FTCDNL1: variants seen among roughly 807,000 people sequenced by gnomAD.
FTCDNL1 encodes the protein formiminotransferase cyclodeaminase N-terminal like, also known as formiminotransferase N-terminal subdomain-containing protein.
In FTCDNL1, 11 loss-of-function variants were observed where a neutral mutation model predicts 5.9. The observed-to-expected ratio is 1.87, with a 90% CI of 1.18 to 3.10. The LOEUF is 3.10. FTCDNL1 is among the 30% of genes most tolerant of loss of function. The pLI is 0.00. For synonymous variants in FTCDNL1, 58 were observed against 24.8 expected (o/e 2.34, Z -3.99); for missense variants, 115 against 65.5 (o/e 1.76, Z -2.61).
At chr2:199,664,883 C>T in the FTCDNL1 span, among the ~76,000 whole-genome samples, 7 of 152,234 alleles carry the variant, frequency 4.6e-5, no homozygotes, top group East Asian at 1.2e-3. Context: ...TACTCGCCTG[C>T]TGCCAATAGC....
chr2:199,749,725 A>G, the FTCDNL1 span, among the ~76,000 whole-genome samples: 1 of 152,146 alleles, frequency 6.6e-6, no homozygotes, highest in African/African-American at 2.4e-5. Context: ...AGAGCTGCCT[A>G]CGGGCACCCA....
chr2:199,701,277 G>A, the FTCDNL1 span, among the ~76,000 whole-genome samples: 1 of 86,978 alleles, frequency 1.1e-5, no homozygotes, highest in African/African-American at 4.8e-5. Context: ...ACACCAGTCA[G>A]AATGGCTGTT....
intron 3 of FTCDNL1, among the ~76,000 whole-genome samples, chr2:199,803,622 G>A (rs1371415413): frequency 6.6e-5 from 10 of 152,032 alleles, no homozygotes; most frequent in South Asian, 2.1e-4. Context: ...GTATCACCAC[G>A]CCTGGCTAAT....
chr2:199,809,850 G>C lies in FTCDNL1; in HGVS notation c.*2855C>G, dbSNP rs1429283549. On this transcript the variant is annotated 3_prime_UTR_variant, in exon 5 of 5. Coordinates refer to ENST00000420128, the MANE Select transcript of FTCDNL1 (RefSeq NM_001363886.2). ...AAGAATGAACAATCATGCTTTGAAA[G>C]AGAGATTATATTTTGTAACCCTCTC... is the stretch of plus-strand genomic sequence containing the variant. Among the ~76,000 whole-genome samples the C allele has an allele frequency of 1.3e-5, 2 of 151,452 alleles. No homozygotes were observed. Among genetic ancestry groups the C allele is most frequent in the South Asian group, 2.1e-4 (1 of 4,818 alleles).
chr2:199,707,029 A>G, the FTCDNL1 span, among the ~76,000 whole-genome samples: 7 of 152,192 alleles, frequency 4.6e-5, no homozygotes, highest in Non-Finnish European at 1.0e-4. Context: ...CAGATATACT[A>G]TTTTCATCTT....
chr2:199,788,515 T>G (rs1399741481), intron 3 of FTCDNL1, among the ~76,000 whole-genome samples: 2 of 152,102 alleles, frequency 1.3e-5, no homozygotes, highest in African/African-American at 4.8e-5. Flanking sequence ...AATTAGGAAC[T>G]GTTTGGATAA....
chr2:199,734,497 A>G, the FTCDNL1 span, among the ~76,000 whole-genome samples: 1 of 152,246 alleles, frequency 6.6e-6, no homozygotes, highest in African/African-American at 2.4e-5. Flanking sequence ...TTATCTAAAT[A>G]TCCCATTTTT....
chr2:199,691,441 G>A, the FTCDNL1 span, among the ~76,000 whole-genome samples: 2 of 152,212 alleles, frequency 1.3e-5, no homozygotes, highest in Non-Finnish European at 2.9e-5. Flanking sequence ...AATTTTATCA[G>A]CACTAAATAA....
At chr2:199,822,761 GCAT>G (rs1701776435) in intron 3 of FTCDNL1, among the ~76,000 whole-genome samples, 1 of 152,196 alleles carries the variant, frequency 6.6e-6, no homozygotes, top group African/African-American at 2.4e-5. Context: ...AGTGTCCACA[GCAT>G]CATCACCAGG....
the FTCDNL1 span, among the ~76,000 whole-genome samples, chr2:199,687,513 A>G: frequency 2.0e-5 from 3 of 152,198 alleles, no homozygotes; most frequent in Admixed American, 6.5e-5. Flanking sequence ...CTCACAGGTG[A>G]GCCAGTTAAT....
chr2:199,717,969 A>T, the FTCDNL1 span, among the ~76,000 whole-genome samples: 45 of 79,824 alleles, frequency 5.6e-4, no homozygotes, highest in African/African-American at 2.5e-3. Context: ...TTCACTGCTT[A>T]AAAAAAACCA....
chr2:199,724,817 T>C, the FTCDNL1 span, among the ~76,000 whole-genome samples: 2 of 152,186 alleles, frequency 1.3e-5, no homozygotes, highest in Non-Finnish European at 2.9e-5. Flanking sequence ...GTGATCAAGT[T>C]TAGAGTAAGT....
chr2:199,683,314 T>C, the FTCDNL1 span, among the ~76,000 whole-genome samples: 1 of 152,068 alleles, frequency 6.6e-6, no homozygotes, highest in South Asian at 2.1e-4. Context: ...AGAGGACAAA[T>C]GACTATTATA....
At chr2:199,784,068 C>A (rs1013543129) in intron 3 of FTCDNL1, among the ~76,000 whole-genome samples, 2 of 152,160 alleles carry the variant, frequency 1.3e-5, no homozygotes, top group East Asian at 3.8e-4. Flanking sequence ...AAAATTTAAT[C>A]TTCCTTCATG....
chr2:199,774,497 T>C (rs780246395), intron 3 of FTCDNL1, among the ~76,000 whole-genome samples: 5 of 152,120 alleles, frequency 3.3e-5, no homozygotes, highest in Non-Finnish European at 5.9e-5. Flanking sequence ...GAGGGGTACA[T>C]GTTGTCTTAC....
At chr2:199,802,610 G>A (rs1700512775) in intron 3 of FTCDNL1, among the ~76,000 whole-genome samples, 1 of 152,182 alleles carries the variant, frequency 6.6e-6, no homozygotes. Context: ...TTTAAATACT[G>A]ATGGGGACTA....
chr2:199,721,778 C>A, the FTCDNL1 span, among the ~76,000 whole-genome samples: 1 of 152,202 alleles, frequency 6.6e-6, no homozygotes, highest in African/African-American at 2.4e-5. Flanking sequence ...TGCAGCCTCA[C>A]CAGCATCTGT....
chr2:199,765,556 A>ATATATATCTTTTTTTTTTT, intron 3 of FTCDNL1, among the ~76,000 whole-genome samples: 1 of 42,656 alleles, frequency 2.3e-5, no homozygotes, highest in Non-Finnish European at 4.8e-5. Context: ...ATATATATAT[A>ATATATATCTTTTTTTTTTT]TTTTTTTTTT....
chr2:199,782,029 C>T (rs1343942932), intron 3 of FTCDNL1, among the ~76,000 whole-genome samples: 3 of 152,072 alleles, frequency 2.0e-5, no homozygotes, highest in Non-Finnish European at 4.4e-5. Context: ...GTGATCTTGC[C>T]GCCTCAGCCT....
Sources: gnomAD v4.1 joint callset for allele counts (sites outside exome capture counted in the v4.1 genomes callset) on GRCh38, gnomAD v4.1.1 for gene constraint, MANE v1.5 for transcripts, NCBI Gene and HGNC (gene_info 2026-07-23, HGNC 2026-07-21) for gene names.